The following PBX3 variants were observed in gnomAD, a reference collection of about 807,000 sequenced individuals.
PBX3 encodes pre-B-cell leukemia transcription factor 3.
A neutral mutation model predicts 48.5 loss-of-function variants in PBX3; 14 were observed. The ratio of observed to expected loss-of-function variants is 0.29; its 90% CI spans 0.19 to 0.45. PBX3 has a LOEUF of 0.45. PBX3 is among the 20% of genes least tolerant of loss of function. PBX3 has a pLI of 1.00. For synonymous variants in PBX3, 210 were observed against 200.3 expected (o/e 1.05, Z -0.41); for missense variants, 386 against 546.7 (o/e 0.71, Z 2.93).
At chr9:125,763,168 C>T (rs1836713364) in intron 2 of PBX3, among the ~76,000 whole-genome samples, 1 of 152,140 alleles carries the variant, frequency 6.6e-6, no homozygotes, top group Non-Finnish European at 1.5e-5. Context: ...AAAGCAATAG[C>T]TTTTGCAGTC....
chr9:125,769,710 G>T (rs1392460284), intron 2 of PBX3, among the ~76,000 whole-genome samples: 1 of 152,186 alleles, frequency 6.6e-6, no homozygotes, highest in Non-Finnish European at 1.5e-5. Flanking sequence ...GGAAAAAAAG[G>T]ATAGATCAAC....
At chr9:125,892,235 T>G (rs1840664813) in intron 2 of PBX3, among the ~76,000 whole-genome samples, 1 of 152,168 alleles carries the variant, frequency 6.6e-6, no homozygotes, top group Non-Finnish European at 1.5e-5. Context: ...AATCAGCATT[T>G]TAATTGGAAC....
chr9:125,789,929 G>A (rs1479847441), intron 2 of PBX3, among the ~76,000 whole-genome samples: 3 of 152,152 alleles, frequency 2.0e-5, no homozygotes, highest in African/African-American at 7.2e-5. Context: ...GAGCATTCAG[G>A]ATTGAGAAGA....
intron 2 of PBX3, among the ~76,000 whole-genome samples, chr9:125,823,567 T>C (rs552440952): frequency 6.5e-4 from 97 of 150,238 alleles, no homozygotes; most frequent in Non-Finnish European, 1.1e-3. Flanking sequence ...AATAAAGTTT[T>C]AAAGGCTAAA....
At position 125,917,388 on chromosome 9, in the gene PBX3, C is replaced by T. The variant is rs559336929; in HGVS notation, c.516+1461C>T. Among the ~76,000 whole-genome samples, 27 of 152,272 alleles carry T rather than the reference C, an allele frequency of 1.8e-4. No homozygotes were observed. In the South Asian group the frequency reaches 5.4e-3, roughly 30 times the overall value. On this transcript the variant is annotated intron_variant, in intron 3 of 8. Coordinates refer to ENST00000373489, the MANE Select transcript of PBX3 (RefSeq NM_006195.6). ...AACCTACATTGACACATCATTATCA[C>T]CCAAAATCCATAGTTTACATTAGGG...
chr9:125,756,983 G>A (rs1445828351), intron 2 of PBX3, among the ~76,000 whole-genome samples: 1 of 152,036 alleles, frequency 6.6e-6, no homozygotes, highest in Non-Finnish European at 1.5e-5. Flanking sequence ...ATTGAAAAGG[G>A]AACAAAAAGC....
intron 2 of PBX3, among the ~76,000 whole-genome samples, chr9:125,913,839 A>T (rs1841262217): frequency 6.6e-6 from 1 of 152,198 alleles, no homozygotes. Context: ...AACTGTGGGC[A>T]AAAATTCAGT....
At chr9:125,912,509 T>C (rs1048395884) in intron 2 of PBX3, among the ~76,000 whole-genome samples, 5 of 152,150 alleles carry the variant, frequency 3.3e-5, no homozygotes, top group Non-Finnish European at 7.4e-5. Context: ...CTGAAAGATA[T>C]GCAAAAACTG....
At chr9:125,748,360 C>T in intron 1 of PBX3, 190 bp from the exon 2 acceptor site, 1 of 1,314,530 alleles carries the variant, frequency 7.6e-7, no homozygotes, top group Admixed American at 3.0e-5. Context: ...GTTCCGGCTG[C>T]AGCTTTCGCC....
At chr9:125,776,833 T>C (rs1436541316) in intron 2 of PBX3, among the ~76,000 whole-genome samples, 1 of 152,120 alleles carries the variant, frequency 6.6e-6, no homozygotes, top group African/African-American at 2.4e-5. Flanking sequence ...TGTGAGCCAC[T>C]GTGCCTGGTC....
chr9:125,859,243 G>C (rs1341120506), intron 2 of PBX3, among the ~76,000 whole-genome samples: 1 of 152,202 alleles, frequency 6.6e-6, no homozygotes, highest in Non-Finnish European at 1.5e-5. Context: ...TTTTGCTAAA[G>C]TCGGTCTTCC....
chr9:125,899,411 GTATATATATGTATGTC>G (rs1232537585), intron 2 of PBX3, among the ~76,000 whole-genome samples: 2 of 127,230 alleles, frequency 1.6e-5, no homozygotes, highest in Non-Finnish European at 3.3e-5. Flanking sequence ...ATATATGTAT[GTATATATATGTATGTC>G]TATATATATG....
intron 2 of PBX3, among the ~76,000 whole-genome samples, chr9:125,881,004 G>A (rs780838199): frequency 6.6e-5 from 10 of 152,212 alleles, no homozygotes; most frequent in African/African-American, 9.7e-5. Flanking sequence ...CAATGTGTTA[G>A]TTAATGTTTT....
At chr9:125,808,978 C>T (rs966833453) in intron 2 of PBX3, among the ~76,000 whole-genome samples, 3 of 152,084 alleles carry the variant, frequency 2.0e-5, no homozygotes, top group Admixed American at 6.5e-5. Flanking sequence ...CAGCACTTAC[C>T]GCTGTTCTTG....
At chr9:125,760,426 A>G (rs770726964) in intron 2 of PBX3, among the ~76,000 whole-genome samples, 8 of 151,922 alleles carry the variant, frequency 5.3e-5, no homozygotes, top group Non-Finnish European at 1.0e-4. Context: ...GACATAGGAG[A>G]AGAAAAGAAT....
intron 2 of PBX3, among the ~76,000 whole-genome samples, chr9:125,792,045 C>T (rs1396892699): frequency 4.3e-5 from 1 of 23,416 alleles, no homozygotes. Context: ...CACACACACA[C>T]GCACGCACGC....
chr9:125,947,494 GTTAC>G (rs983003229), intron 5 of PBX3, among the ~76,000 whole-genome samples: 6 of 152,056 alleles, frequency 3.9e-5, no homozygotes, highest in Non-Finnish European at 8.8e-5. Flanking sequence ...CTCTAGGGTA[GTTAC>G]TTAAAGAAAA....
intron 2 of PBX3, among the ~76,000 whole-genome samples, chr9:125,819,867 T>C (rs1838596807): frequency 6.6e-6 from 1 of 152,186 alleles, no homozygotes; most frequent in African/African-American, 2.4e-5. Flanking sequence ...CTGAGCTTTT[T>C]TGTGAATATT....
chr9:125,845,865 T>C (rs1466597030), intron 2 of PBX3, among the ~76,000 whole-genome samples: 1 of 152,114 alleles, frequency 6.6e-6, no homozygotes, highest in East Asian at 1.9e-4. Flanking sequence ...AATGTTGAAA[T>C]AAATAAATTT....
Sources: allele counts gnomAD v4.1 joint callset (sites outside exome capture counted in the v4.1 genomes callset), GRCh38; gene constraint gnomAD v4.1.1; transcripts MANE v1.5; gene names NCBI Gene and HGNC (gene_info 2026-07-23, HGNC 2026-07-21).